The following CPNE7 variants were observed in gnomAD, a reference collection of about 807,000 sequenced individuals.
CPNE7 encodes copine-7.
A neutral mutation model predicts 66.5 loss-of-function variants in CPNE7; 78 were observed. That is an observed-to-expected ratio of 1.17 (90% confidence interval 0.98 to 1.42). CPNE7 has a LOEUF of 1.42. Among genes scored for constraint, CPNE7 ranks in the 40% most tolerant of loss-of-function variants. The probability of loss-of-function intolerance (pLI) is 0.00; values close to 1 mark genes in which losing one functional copy is unlikely to be tolerated. For missense variants in CPNE7, 1,012 were observed against 776.6 expected (o/e 1.30, Z -3.60); for synonymous variants, 468 against 336.7 (o/e 1.39, Z -4.27).
At chr16:89,591,793 G>T (rs28558317) in intron 13 of CPNE7, among the ~76,000 whole-genome samples, 1 of 150,846 alleles carries the variant, frequency 6.6e-6, no homozygotes, top group Non-Finnish European at 1.5e-5. Flanking sequence ...TCTGCTTCCC[G>T]GGGTTCACGC....
intron 13 of CPNE7, among the ~76,000 whole-genome samples, chr16:89,593,416 G>T (rs554090424): frequency 1.3e-5 from 2 of 151,040 alleles, no homozygotes; most frequent in Non-Finnish European, 2.9e-5. Context: ...GCAGTGGCGC[G>T]ATCTTGGTTC....
At chr16:89,577,274 G>A (rs938545229) in intron 1 of CPNE7, among the ~76,000 whole-genome samples, 1 of 152,092 alleles carries the variant, frequency 6.6e-6, no homozygotes, top group Non-Finnish European at 1.5e-5. Context: ...TCTCGCCCCC[G>A]ACTCAGCGTG....
chr16:89,584,719 A>G lies in CPNE7; in HGVS notation c.508-55A>G, dbSNP rs377666069. The G allele has an allele frequency of 1.8e-4, 244 of 1,388,262 alleles. No individual in the cohort carries two copies. In the African/African-American group the frequency reaches 3.1e-3, roughly 18 times the overall value. 86.0% of individuals were successfully genotyped at this position (1,388,262 alleles called of 1,614,324 possible). A position where few individuals can be genotyped will look rare whatever the true frequency, so the allele number is the denominator to read the frequency against. ...CTGGGAAACGACAAAGCCAGCTCCC[A>G]TCCAAAGCCCGATCTCACAGTGCCT... is the stretch of plus-strand genomic sequence containing the variant. On this transcript the variant is annotated intron_variant, in intron 4 of 14. Coordinates refer to ENST00000319518, the MANE Select transcript of CPNE7 (RefSeq NM_153636.3). The surrounding 1 kb of genome is among the most constrained non-coding windows in gnomAD (Gnocchi z 6.0).
chr16:89,585,587 G>A (rs763766668), intron 6 of CPNE7, 34 bp downstream of exon 6: 37 of 1,588,818 alleles, frequency 2.3e-5, no homozygotes, highest in Non-Finnish European at 2.9e-5. Flanking sequence ...GGGCAGTGAG[G>A]GGGTGGCCTG....
Position 89,596,751 on chromosome 16 carries a change from C to T in CPNE7, c.*130C>T, listed in dbSNP as rs891825532. ...TCCAGTCCCCACCAGGCCCCACTCC[C>T]AGTCCTCCTGGGATCCTGCTGGCTT... On this transcript the variant is annotated 3_prime_UTR_variant, in exon 15 of 15. Transcript: ENST00000319518. 67 of 1,166,976 alleles carry T rather than the reference C, an allele frequency of 5.7e-5. 2 individuals carry two copies. In the Admixed American group the frequency reaches 1.6e-3, roughly 27 times the overall value. 72.3% of individuals were successfully genotyped at this position (1,166,976 alleles called of 1,614,324 possible). A position where few individuals can be genotyped will look rare whatever the true frequency, so the allele number is the denominator to read the frequency against.
At chr16:89,582,172 C>G (rs352935) in intron 2 of CPNE7, among the ~76,000 whole-genome samples, 1 of 152,094 alleles carries the variant, frequency 6.6e-6, no homozygotes, top group Non-Finnish European at 1.5e-5. Context: ...CAGGGCACCA[C>G]GGTCAAGGGA....
At chr16:89,577,997 G>A (rs184802157) in intron 2 of CPNE7, among the ~76,000 whole-genome samples, 27 of 152,160 alleles carry the variant, frequency 1.8e-4, no homozygotes, top group Middle Eastern at 6.8e-3. Context: ...CCTGGACATT[G>A]TCCAGAGAGA....
At position 89,575,948 on chromosome 16, in the gene CPNE7, C is replaced by A; in HGVS notation, c.51C>A (p.Pro17=). 7.5e-7 allele frequency: 1 copy of A among 1,338,864 alleles called. No individual in the cohort carries two copies. The highest frequency in any genetic ancestry group is 9.6e-7 in the Non-Finnish European group (1 of 1,044,572). 82.9% of individuals were successfully genotyped at this position (1,338,864 alleles called of 1,614,324 possible). A position where few individuals can be genotyped will look rare whatever the true frequency, so the allele number is the denominator to read the frequency against. Residue 17 remains proline (P), a synonymous_variant, in exon 1 of 15, where the codon CCC becomes CCA. Coordinates refer to ENST00000319518, the MANE Select transcript of CPNE7 (RefSeq NM_153636.3). The part of the protein sequence containing the change: ...RGAAATPGGL[P]APCASKVELR... ...CGGCGGCAACCCCCGGGGGTTTGCC[C>A]GCGCCCTGCGCCTCGAAGGTGGAGC...
chr16:89,594,684 A>C (rs1597723018), intron 13 of CPNE7, among the ~76,000 whole-genome samples: 2 of 111,658 alleles, frequency 1.8e-5, no homozygotes, highest in African/African-American at 7.2e-5. Context: ...AGACAGTCTC[A>C]CTCTATCGCC....
intron 13 of CPNE7, among the ~76,000 whole-genome samples, chr16:89,592,471 A>G (rs112067897): frequency 0.12 from 16,331 of 141,718 alleles, 1,093 homozygotes; most frequent in African/African-American, 0.19. Context: ...TTTTTGAGAT[A>G]GAGTCCTGCT....
chr16:89,578,759 CAAAAAAAA>C, intron 2 of CPNE7: 7 of 1,190,136 alleles, frequency 5.9e-6, no homozygotes, highest in Admixed American at 8.1e-5. Flanking sequence ...GACTCTGTCT[CAAAAAAAA>C]AAAAAAAAAA....
chr16:89,583,013 C>T (rs1417937798), intron 2 of CPNE7, among the ~76,000 whole-genome samples: 1 of 152,234 alleles, frequency 6.6e-6, no homozygotes, highest in East Asian at 1.9e-4. Flanking sequence ...GGGGCCTGGG[C>T]CTGTCATCCG....
Position 89,596,786 on chromosome 16 carries a change from T to C in CPNE7, c.*165T>C. On this transcript the variant is annotated 3_prime_UTR_variant, in exon 15 of 15. Transcript: ENST00000319518. ...GGGATCCTGCTGGCTTGGGCCCGGC[T>C]CTGGGGCCCCCAAGGCCGAAGGGTG... is the stretch of plus-strand genomic sequence containing the variant. The C allele has an allele frequency of 2.1e-6, 2 of 960,946 alleles. No homozygotes were observed. The highest frequency in any genetic ancestry group is 6.4e-5 in the East Asian group (2 of 31,398). The allele number at this position is 960,946 out of a possible 1,614,324, so 59.5% of individuals were successfully genotyped here.
Position 89,588,807 on chromosome 16 carries a change from A to G in CPNE7, c.1060A>G (p.Ser354Gly), listed in dbSNP as rs757696348. 2 of 1,613,046 alleles carry G rather than the reference A, an allele frequency of 1.2e-6. No individual in the cohort carries two copies. The highest frequency in any genetic ancestry group is 2.2e-5 in the South Asian group (2 of 91,070). Residue 354 changes from serine (S) to glycine (G), a missense_variant and splice_region_variant, in exon 10 of 15, where the codon AGT becomes GGT. Ser to Gly is a moderately conservative substitution (Grantham distance 56). Coordinates refer to ENST00000319518, the MANE Select transcript of CPNE7 (RefSeq NM_153636.3). The stretch of plus-strand genomic sequence containing the variant: ...GGGCGAGATCTGCCAGGACTATGAC[A>G]GGTGCGCCCACCACCTTCCCCTCAC... ...SVGEICQDYDSDKRFSALGFG... is the reference protein window; with the variant it reads ...SVGEICQDYDGDKRFSALGFG...
intron 10 of CPNE7, 77 bp from the exon 11 acceptor site, chr16:89,589,820 C>T: frequency 1.3e-6 from 2 of 1,526,350 alleles, no homozygotes; most frequent in Non-Finnish European, 1.8e-6. Context: ...GGGCGCCAGT[C>T]ATGTCTCCCT....
In CPNE7 at chr16:89,588,817, A is replaced by G; in HGVS notation, c.1061+9A>G. 6.2e-7 allele frequency: 1 copy of G among 1,612,468 alleles called. No individual in the cohort carries two copies. Among genetic ancestry groups the G allele is most frequent in the Non-Finnish European group, 8.5e-7 (1 of 1,179,650 alleles). ...TGCCAGGACTATGACAGGTGCGCCC[A>G]CCACCTTCCCCTCACCCCCTGGTCT... On this transcript the variant is annotated intron_variant, in intron 10 of 14. Coordinates refer to ENST00000319518, the MANE Select transcript of CPNE7 (RefSeq NM_153636.3).
chr16:89,585,828 G>C (rs749691259), intron 7 of CPNE7, 43 bp downstream of exon 7: 4 of 741,378 alleles, frequency 5.4e-6, no homozygotes, highest in Admixed American at 2.6e-5. Flanking sequence ...AGGGTCAGGT[G>C]GGGGTGGAGG....
chr16:89,590,559 C>T (rs1036913202), intron 11 of CPNE7, among the ~76,000 whole-genome samples: 1 of 151,422 alleles, frequency 6.6e-6, no homozygotes, highest in African/African-American at 2.4e-5. Flanking sequence ...AAAACTTCAA[C>T]TGGCTTCAGC....
chr16:89,576,080 G>C lies in CPNE7; in HGVS notation c.174+9G>C, dbSNP rs747038071. 4.8e-6 allele frequency: 6 copies of C among 1,256,070 alleles called. No homozygotes were observed. Among genetic ancestry groups the C allele is most frequent in the Admixed American group, 4.2e-5 (1 of 23,904 alleles). 77.8% of individuals were successfully genotyped at this position (1,256,070 alleles called of 1,614,324 possible). Reference sequence around the variant, plus strand: ...AGGGCCAGTGGGTGCAGGTAGGGCCGGGGCGTGGGAGGCCGAGAGGCCACC... The same window carrying C: ...AGGGCCAGTGGGTGCAGGTAGGGCCCGGGCGTGGGAGGCCGAGAGGCCACC... On this transcript the variant is annotated intron_variant, in intron 1 of 14. Coordinates refer to ENST00000319518, the MANE Select transcript of CPNE7 (RefSeq NM_153636.3).
Sources: allele counts gnomAD v4.1 joint callset (sites outside exome capture counted in the v4.1 genomes callset), GRCh38; gene constraint gnomAD v4.1.1; non-coding constraint Gnocchi (gnomAD v3.1); transcripts MANE v1.5; gene names NCBI Gene and HGNC (gene_info 2026-07-23, HGNC 2026-07-21).